Variants in CDH13 observed in about 807,000 individuals in gnomAD.
CDH13 encodes cadherin 13.
Under a neutral mutation model 63.8 loss-of-function variants are expected in CDH13, and 24 were observed. The ratio of observed to expected loss-of-function variants is 0.38; its 90% CI spans 0.27 to 0.53. The LOEUF is 0.53. Among genes scored for constraint, CDH13 ranks in the 20% least tolerant of loss-of-function variants. The pLI is 0.85. For missense variants in CDH13, 1,049 were observed against 903.1 expected, an observed-to-expected ratio of 1.16 and a Z score of -2.07; for synonymous variants, 503 against 355.3, an observed-to-expected ratio of 1.42 and a Z score of -4.67.
chr16:82,875,930 T>C (rs1169379332), intron 2 of CDH13, among the ~76,000 whole-genome samples: 1 of 152,074 alleles, frequency 6.6e-6, no homozygotes, highest in Non-Finnish European at 1.5e-5. Flanking sequence ...TCCACATGAG[T>C]GGGGAGGCCT....
chr16:83,186,196 G>T (rs34734741), intron 4 of CDH13, among the ~76,000 whole-genome samples: 1 of 150,338 alleles, frequency 6.7e-6, no homozygotes, highest in South Asian at 2.1e-4. Flanking sequence ...GTGCAGTGGC[G>T]TGATCTCGGA....
intron 1 of CDH13, among the ~76,000 whole-genome samples, chr16:82,779,247 G>T (rs1006991204): frequency 6.6e-6 from 1 of 152,178 alleles, no homozygotes; most frequent in Non-Finnish European, 1.5e-5. Context: ...AAACCGAGGT[G>T]TAGGGAAGTT....
intron 4 of CDH13, among the ~76,000 whole-genome samples, chr16:83,209,151 A>T (rs1002912368): frequency 6.6e-6 from 1 of 152,196 alleles, no homozygotes; most frequent in African/African-American, 2.4e-5. Flanking sequence ...TGGCAGGCTG[A>T]ACAGGAGAAC....
At chr16:82,735,420 T>C (rs1339120472) in intron 1 of CDH13, among the ~76,000 whole-genome samples, 1 of 152,224 alleles carries the variant, frequency 6.6e-6, no homozygotes, top group Non-Finnish European at 1.5e-5. Flanking sequence ...GAATGTTGTG[T>C]TGCTAAACTT....
At chr16:83,447,033 C>A (rs1243212841) in intron 6 of CDH13, among the ~76,000 whole-genome samples, 1 of 130,778 alleles carries the variant, frequency 7.6e-6, no homozygotes, top group Non-Finnish European at 1.6e-5. Context: ...AGACTTACCA[C>A]CACCACTGGT....
At chr16:83,301,573 C>T (rs1316371218) in intron 5 of CDH13, among the ~76,000 whole-genome samples, 3 of 152,002 alleles carry the variant, frequency 2.0e-5, no homozygotes, top group African/African-American at 7.3e-5. Context: ...CAAGCAAGGT[C>T]GGACCGACAG....
chr16:82,933,941 T>G lies in CDH13; in HGVS notation c.157+75468T>G, dbSNP rs143120048. On this transcript the variant is annotated intron_variant, in intron 2 of 13. Coordinates refer to ENST00000567109, the MANE Select transcript of CDH13 (RefSeq NM_001257.5). ...GCTTTGCAGGGTACAGCCCTCCTCCTGGCTGCTTTCATGGGCTGGCAGCGT... is the reference window on the plus strand; with the variant it reads ...GCTTTGCAGGGTACAGCCCTCCTCCGGGCTGCTTTCATGGGCTGGCAGCGT... 4.4e-3 allele frequency among the ~76,000 whole-genome samples: 670 copies of G among 152,336 alleles called. 2 individuals are homozygous for G. Among genetic ancestry groups the G allele is most frequent in the South Asian group, 0.012 (56 of 4,828 alleles).
intron 6 of CDH13, among the ~76,000 whole-genome samples, chr16:83,425,653 C>A (rs968791555): frequency 6.6e-6 from 1 of 152,240 alleles, no homozygotes; most frequent in Non-Finnish European, 1.5e-5. Context: ...CTTTAGTCAT[C>A]TCCTAGAACA....
At chr16:83,144,067 A>G (rs1249605367) in intron 4 of CDH13, among the ~76,000 whole-genome samples, 1 of 152,054 alleles carries the variant, frequency 6.6e-6, no homozygotes, top group Non-Finnish European at 1.5e-5. Flanking sequence ...TAACACTCAC[A>G]TTCCACGTTT....
chr16:83,290,240 C>T (rs1433852290), intron 5 of CDH13, among the ~76,000 whole-genome samples: 1 of 152,156 alleles, frequency 6.6e-6, no homozygotes, highest in Non-Finnish European at 1.5e-5. Context: ...ACAATGGCTC[C>T]CTAACTGGGA....
At chr16:83,442,361 C>T (rs565397688) in intron 6 of CDH13, among the ~76,000 whole-genome samples, 81 of 152,304 alleles carry the variant, frequency 5.3e-4, no homozygotes, top group Middle Eastern at 3.4e-3. Flanking sequence ...CCTCCCACCT[C>T]CATGAGCAGC....
intron 7 of CDH13, among the ~76,000 whole-genome samples, chr16:83,491,375 G>A (rs1298283048): frequency 6.6e-6 from 1 of 152,042 alleles, no homozygotes; most frequent in Non-Finnish European, 1.5e-5. Context: ...CCCATTTCTG[G>A]CATCTCTGTC....
chr16:83,511,570 T>C (rs1452607947), intron 7 of CDH13, among the ~76,000 whole-genome samples: 1 of 152,106 alleles, frequency 6.6e-6, no homozygotes, highest in Non-Finnish European at 1.5e-5. Flanking sequence ...AGTTATAATC[T>C]CAGAGTGAAC....
chr16:82,940,156 G>A (rs2042788313), intron 2 of CDH13, among the ~76,000 whole-genome samples: 1 of 152,210 alleles, frequency 6.6e-6, no homozygotes, highest in Non-Finnish European at 1.5e-5. Flanking sequence ...ATTAATTCAA[G>A]ATGAGATTTG....
chr16:83,607,612 C>A (rs76865045), intron 8 of CDH13, among the ~76,000 whole-genome samples: 3,572 of 152,238 alleles, frequency 0.023, 56 homozygotes, highest in Non-Finnish European at 0.036. Context: ...TCACTGCATA[C>A]GATGAACGAA....
intron 2 of CDH13, among the ~76,000 whole-genome samples, chr16:82,903,099 G>C (rs2041523922): frequency 6.6e-6 from 1 of 152,260 alleles, no homozygotes; most frequent in East Asian, 1.9e-4. Flanking sequence ...CCAAGATTCA[G>C]AGACTTTAAA....
At chr16:83,379,311 G>T (rs915447714) in intron 6 of CDH13, among the ~76,000 whole-genome samples, 1 of 152,166 alleles carries the variant, frequency 6.6e-6, no homozygotes, top group Non-Finnish European at 1.5e-5. Flanking sequence ...ACTGTCCTGG[G>T]TGCTGTTGAC....
At chr16:83,730,417 A>C (rs62047464) in intron 10 of CDH13, among the ~76,000 whole-genome samples, 29,897 of 152,180 alleles carry the variant, frequency 0.2, 3,003 homozygotes, top group Middle Eastern at 0.22. Flanking sequence ...TGGGTCAAAG[A>C]ATATGTACAG....
intron 5 of CDH13, among the ~76,000 whole-genome samples, chr16:83,308,984 C>T (rs560454408): frequency 9.2e-5 from 14 of 152,140 alleles, no homozygotes; most frequent in South Asian, 6.2e-4. Context: ...GGTTGGTTGC[C>T]GAGGGAAATC....
Sources: allele counts gnomAD v4.1 joint callset (sites outside exome capture counted in the v4.1 genomes callset), GRCh38; gene constraint gnomAD v4.1.1; transcripts MANE v1.5; gene names NCBI Gene and HGNC (gene_info 2026-07-23, HGNC 2026-07-21).